Variants in MAML3 observed in about 807,000 individuals in gnomAD.
MAML3 encodes the protein mastermind-like protein 3.
A neutral mutation model predicts 101.9 loss-of-function variants in MAML3; 27 were observed. That is an observed-to-expected ratio of 0.27 (90% CI 0.20 to 0.37). MAML3 has a LOEUF of 0.37. Ranked by LOEUF, MAML3 falls within the 10% of genes least tolerant of loss-of-function variation. The pLI, the probability that MAML3 is intolerant of heterozygous loss-of-function variation, is 1.00. For missense variants in MAML3, 1,316 were observed against 1,444.9 expected (o/e 0.91, Z 1.45); for synonymous variants, 501 against 555.9 (o/e 0.90, Z 1.39).
chr4:139,835,486 C>T (rs1731242019), intron 2 of MAML3, among the ~76,000 whole-genome samples: 1 of 152,220 alleles, frequency 6.6e-6, no homozygotes, highest in African/African-American at 2.4e-5. Context: ...AGAAAACAGA[C>T]TAGTCCATAA....
intron 1 of MAML3, among the ~76,000 whole-genome samples, chr4:139,952,680 C>A (rs1733851236): frequency 6.6e-6 from 1 of 152,178 alleles, no homozygotes. Flanking sequence ...AGTGGCTGCC[C>A]AGCCAAGGAC....
chr4:139,994,045 T>A (rs1734755040), intron 1 of MAML3, among the ~76,000 whole-genome samples: 1 of 152,186 alleles, frequency 6.6e-6, no homozygotes, highest in African/African-American at 2.4e-5. Context: ...GGGGGTCTAC[T>A]TTTTTTGTAA....
chr4:139,876,913 C>A (rs993919921), intron 2 of MAML3, among the ~76,000 whole-genome samples: 1 of 152,184 alleles, frequency 6.6e-6, no homozygotes. Context: ...GTACTCCTGG[C>A]CTAGCAAGCC....
At chr4:140,044,056 T>C (rs1727137814) in intron 1 of MAML3, among the ~76,000 whole-genome samples, 1 of 151,358 alleles carries the variant, frequency 6.6e-6, no homozygotes, top group African/African-American at 2.4e-5. Flanking sequence ...ACAAGACAAA[T>C]GGGTAAAAAT....
chr4:139,791,996 C>T (rs1292366529), intron 2 of MAML3, among the ~76,000 whole-genome samples: 1 of 152,156 alleles, frequency 6.6e-6, no homozygotes, highest in Non-Finnish European at 1.5e-5. Context: ...GAACTTAGAT[C>T]CTTTGAGTAT....
intron 2 of MAML3, among the ~76,000 whole-genome samples, chr4:139,862,733 A>G (rs1007710911): frequency 5.3e-5 from 8 of 152,186 alleles, no homozygotes; most frequent in African/African-American, 1.9e-4. Flanking sequence ...GAATACCCAT[A>G]TAAGAAGTGG....
At chr4:140,070,469 G>C (rs1727629536) in intron 1 of MAML3, among the ~76,000 whole-genome samples, 1 of 152,118 alleles carries the variant, frequency 6.6e-6, no homozygotes, top group African/African-American at 2.4e-5. Flanking sequence ...GAATAAAGTA[G>C]AACACACTCT....
At chr4:139,826,452 G>A (rs554149295) in intron 2 of MAML3, among the ~76,000 whole-genome samples, 4 of 152,266 alleles carry the variant, frequency 2.6e-5, no homozygotes, top group South Asian at 2.1e-4. Context: ...AACACGAATC[G>A]CATAACTAGG....
At chr4:140,036,104 A>G (rs1726982877) in intron 1 of MAML3, among the ~76,000 whole-genome samples, 1 of 152,348 alleles carries the variant, frequency 6.6e-6, no homozygotes, top group East Asian at 1.9e-4. Context: ...TTCTGTTGTC[A>G]ACAGTACTTC....
chr4:140,134,699 C>T (rs954243759), intron 1 of MAML3: 6 of 267,840 alleles, frequency 2.2e-5, no homozygotes, highest in African/African-American at 1.4e-4. Flanking sequence ...AAGAAATTCG[C>T]TTGTCCCAGC....
intron 1 of MAML3, among the ~76,000 whole-genome samples, chr4:139,967,507 C>T (rs1734158109): frequency 6.6e-6 from 1 of 151,168 alleles, no homozygotes; most frequent in African/African-American, 2.4e-5. Flanking sequence ...CACACACACA[C>T]ACACACACTC....
rs565407589 is a variant in MAML3 at position 140,073,141 on chromosome 4, CT to C, written c.468+79718del. Reference sequence around the variant, plus strand: ...CCATACCAATTTATATCCATGTTTTCTTTTTTTTTTTTTTGAGATACAGTCT... The same window carrying C: ...CCATACCAATTTATATCCATGTTTTCTTTTTTTTTTTTTGAGATACAGTCT... On this transcript the variant is annotated intron_variant, in intron 1 of 4. Transcript: ENST00000509479. Among the ~76,000 whole-genome samples the C allele has an allele frequency of 9.6e-3, 1,363 of 141,452 alleles. 7 individuals carry two copies. Among genetic ancestry groups the C allele is most frequent in the Non-Finnish European group, 0.014 (917 of 64,262 alleles). 92.8% of individuals were successfully genotyped at this position (141,452 alleles called of 152,430 possible).
chr4:140,008,628 T>C (rs1726497014), intron 1 of MAML3, among the ~76,000 whole-genome samples: 1 of 152,240 alleles, frequency 6.6e-6, no homozygotes, highest in South Asian at 2.1e-4. Flanking sequence ...CCTGCCTTTA[T>C]ATTGATTTTC....
intron 1 of MAML3, among the ~76,000 whole-genome samples, chr4:139,914,990 T>C (rs1560834628): frequency 7.0e-6 from 1 of 143,618 alleles, no homozygotes; most frequent in Non-Finnish European, 1.5e-5. Context: ...TATGCCTGCT[T>C]AAAACCAGTG....
At chr4:139,829,667 C>A (rs189793036) in intron 2 of MAML3, among the ~76,000 whole-genome samples, 130 of 152,234 alleles carry the variant, frequency 8.5e-4, no homozygotes, top group African/African-American at 3.0e-3. Flanking sequence ...AGTATTAATA[C>A]CCAAATAGAT....
chr4:140,149,935 C>CTTTTTTTTTTTTTTTTTTTTT (rs1729127134), intron 1 of MAML3, among the ~76,000 whole-genome samples: 1 of 50,112 alleles, frequency 2.0e-5, no homozygotes, highest in African/African-American at 6.5e-5. Flanking sequence ...GAGCATGTTT[C>CTTTTTTTTTTTTTTTTTTTTT]TTTCTTTTTT....
At chr4:139,829,020 A>AGGACGGAC (rs746746675) in intron 2 of MAML3, among the ~76,000 whole-genome samples, 1 of 121,006 alleles carries the variant, frequency 8.3e-6, no homozygotes, top group African/African-American at 3.8e-5. Context: ...GAAGGAAGGA[A>AGGACGGAC]GGACGGACGG....
intron 2 of MAML3, among the ~76,000 whole-genome samples, chr4:139,756,725 T>C (rs970394899): frequency 1.8e-4 from 28 of 152,218 alleles, no homozygotes; most frequent in Non-Finnish European, 7.3e-5. Flanking sequence ...ATTGAGTTAA[T>C]GTCTGACAGT....
intron 1 of MAML3, among the ~76,000 whole-genome samples, chr4:139,970,392 A>G (rs1199685213): frequency 6.6e-6 from 1 of 152,180 alleles, no homozygotes; most frequent in Admixed American, 6.5e-5. Context: ...CAGTCTGTGG[A>G]GGACTATGGT....
Sources: gnomAD v4.1 joint callset for allele counts (sites outside exome capture counted in the v4.1 genomes callset) on GRCh38, gnomAD v4.1.1 for gene constraint, MANE v1.5 for transcripts, NCBI Gene and HGNC (gene_info 2026-07-23, HGNC 2026-07-21) for gene names.